Variants in TSHZ2 observed in about 807,000 individuals in gnomAD.
TSHZ2 encodes the protein teashirt zinc finger homeobox 2.
In TSHZ2, 21 loss-of-function variants were observed where a neutral mutation model predicts 74.4. That is an observed-to-expected ratio of 0.28 (90% confidence interval 0.20 to 0.41). The LOEUF (loss-of-function observed/expected upper bound fraction) is 0.41, where lower values mean the gene tolerates loss of function less well. Ranked by LOEUF, TSHZ2 falls within the 10% of genes least tolerant of loss-of-function variation. The pLI is 1.00. For missense variants in TSHZ2, 1,244 were observed against 1,293.5 expected (o/e 0.96, Z 0.59); for synonymous variants, 540 against 515.3 (o/e 1.05, Z -0.65).
chr20:53,246,465 C>T (rs1200160367), intron 1 of TSHZ2, among the ~76,000 whole-genome samples: 3 of 152,186 alleles, frequency 2.0e-5, no homozygotes, highest in Non-Finnish European at 4.4e-5. Context: ...AACGGATTTT[C>T]CTCCACCTGG....
At chr20:53,472,985 G>A (rs1420601578) in intron 2 of TSHZ2, among the ~76,000 whole-genome samples, 58 of 152,026 alleles carry the variant, frequency 3.8e-4, no homozygotes, top group African/African-American at 1.4e-3. Context: ...ATTATATCCC[G>A]CACCTGGCTG....
chr20:53,428,162 G>T (rs776174963), intron 2 of TSHZ2, among the ~76,000 whole-genome samples: 29 of 152,186 alleles, frequency 1.9e-4, no homozygotes, highest in Non-Finnish European at 3.4e-4. Context: ...TATCTGTTAG[G>T]CTGGCCCAGG....
chr20:53,010,934 G>A (rs1884888), intron 1 of TSHZ2, among the ~76,000 whole-genome samples: 48,816 of 151,764 alleles, frequency 0.32, 8,540 homozygotes, highest in Non-Finnish European at 0.41. Flanking sequence ...TCTTTATTAC[G>A]TTGTCTCTGT....
intron 2 of TSHZ2, chr20:53,398,038 G>C (rs906507345): frequency 5.3e-5 from 8 of 152,130 alleles, no homozygotes; most frequent in African/African-American, 1.9e-4. Flanking sequence ...AAAATGATGA[G>C]TTAATGGGTG....
intron 1 of TSHZ2, among the ~76,000 whole-genome samples, chr20:53,244,590 CAAT>C (rs1336887033): frequency 3.3e-5 from 5 of 152,164 alleles, no homozygotes; most frequent in African/African-American, 9.7e-5. Flanking sequence ...AGACACGTCG[CAAT>C]AATAATATAC....
intron 1 of TSHZ2, among the ~76,000 whole-genome samples, chr20:52,976,207 CTTTA>C (rs1981332359): frequency 6.6e-6 from 1 of 152,156 alleles, no homozygotes; most frequent in Non-Finnish European, 1.5e-5. Flanking sequence ...GAATTTTAGT[CTTTA>C]TTTGTTATGT....
chr20:53,174,566 T>G (rs888469151), intron 1 of TSHZ2, among the ~76,000 whole-genome samples: 2 of 152,208 alleles, frequency 1.3e-5, no homozygotes, highest in Admixed American at 6.5e-5. Context: ...CTTCTTTATC[T>G]GCAGAGCAAG....
chr20:53,132,761 G>A (rs1462440912), intron 1 of TSHZ2, among the ~76,000 whole-genome samples: 1 of 152,054 alleles, frequency 6.6e-6, no homozygotes, highest in Non-Finnish European at 1.5e-5. Context: ...AGCCTATTGT[G>A]CTTAAATTAT....
At chr20:53,015,384 A>T (rs933070822) in intron 1 of TSHZ2, among the ~76,000 whole-genome samples, 1 of 152,166 alleles carries the variant, frequency 6.6e-6, no homozygotes, top group Admixed American at 6.6e-5. Flanking sequence ...TGGGGAGAAG[A>T]TGTCACTGGC....
chr20:53,194,774 G>C (rs190289162), intron 1 of TSHZ2, among the ~76,000 whole-genome samples: 2 of 152,294 alleles, frequency 1.3e-5, no homozygotes, highest in Admixed American at 1.3e-4. Flanking sequence ...ACTCGCTCCC[G>C]GTGACTTGAG....
At position 53,167,145 on chromosome 20, in the gene TSHZ2, G is replaced by T. The variant is rs376321365; in HGVS notation, c.41-86354G>T. Among the ~76,000 whole-genome samples, 15 of 152,336 alleles carry T rather than the reference G, an allele frequency of 9.8e-5. No individual in the cohort carries two copies. The East Asian group carries it at 2.5e-3, about 25-fold the overall frequency. ...TTTGTTCTTTCTGGAAAAGAAAGAT[G>T]GTGGCTGGAGCTCAATGAATCCAGA... On this transcript the variant is annotated intron_variant, in intron 1 of 2. Transcript: ENST00000371497.
intron 2 of TSHZ2, among the ~76,000 whole-genome samples, chr20:53,322,541 C>G (rs1979315153): frequency 6.6e-6 from 1 of 151,974 alleles, no homozygotes; most frequent in African/African-American, 2.4e-5. Context: ...AAAAACATGA[C>G]TTTAGTCCCG....
At chr20:53,071,195 G>A (rs1371568325) in intron 1 of TSHZ2, among the ~76,000 whole-genome samples, 5 of 152,194 alleles carry the variant, frequency 3.3e-5, no homozygotes, top group African/African-American at 4.8e-5. Context: ...AGAGAGGAAT[G>A]AGCCTCTGTG....
At chr20:53,290,545 A>G (rs1359437908) in intron 2 of TSHZ2, among the ~76,000 whole-genome samples, 2 of 152,182 alleles carry the variant, frequency 1.3e-5, no homozygotes, top group Non-Finnish European at 2.9e-5. Context: ...TAAAAGTATC[A>G]TTCTAACAAT....
chr20:53,048,573 C>G (rs1984314198), intron 1 of TSHZ2, among the ~76,000 whole-genome samples: 2 of 152,184 alleles, frequency 1.3e-5, no homozygotes, highest in African/African-American at 4.8e-5. Flanking sequence ...CACCTACCAC[C>G]AGCTCTTTGA....
chr20:53,139,438 A>G (rs541643868), intron 1 of TSHZ2, among the ~76,000 whole-genome samples: 2 of 152,346 alleles, frequency 1.3e-5, no homozygotes, highest in Admixed American at 1.3e-4. Context: ...GGCCCCTTCA[A>G]AGCAAGCCCT....
At chr20:53,081,803 T>C (rs114848946) in intron 1 of TSHZ2, among the ~76,000 whole-genome samples, 5 of 152,338 alleles carry the variant, frequency 3.3e-5, no homozygotes, top group South Asian at 2.1e-4. Context: ...GTGGGTTTTA[T>C]TGTGAAATTT....
chr20:53,271,216 T>G (rs1419262285), intron 2 of TSHZ2, among the ~76,000 whole-genome samples: 1 of 152,272 alleles, frequency 6.6e-6, no homozygotes, highest in Admixed American at 6.5e-5. Context: ...ACATGGGTCC[T>G]GGAACTGCTG....
rs1448416376 is a variant in TSHZ2 at position 53,373,003 on chromosome 20, T to C, written c.*9-114141T>C. On this transcript the variant is annotated intron_variant, in intron 2 of 2. Coordinates refer to ENST00000371497, the MANE Select transcript of TSHZ2 (RefSeq NM_173485.6). ...ATGGCCTTTTCTAACCACAGTTCTT[T>C]ATGAATCTCCTTTCCATCACATCTC... is the stretch of plus-strand genomic sequence containing the variant. Among the ~76,000 whole-genome samples the C allele has an allele frequency of 2.6e-5, 4 of 152,238 alleles. No individual in the cohort carries two copies. In the South Asian group the frequency reaches 6.2e-4, roughly 24 times the overall value.
Sources: gnomAD v4.1 joint callset for allele counts (sites outside exome capture counted in the v4.1 genomes callset) on GRCh38, gnomAD v4.1.1 for gene constraint, MANE v1.5 for transcripts, NCBI Gene and HGNC (gene_info 2026-07-23, HGNC 2026-07-21) for gene names.